The following DGKG variants were observed in gnomAD, a reference collection of about 807,000 sequenced individuals.
DGKG encodes diacylglycerol kinase gamma.
In DGKG, 78 loss-of-function variants were observed where a neutral mutation model predicts 105.3. That is an observed-to-expected ratio of 0.74 (90% CI 0.62 to 0.89). The LOEUF is 0.89. DGKG is among the 40% of genes least tolerant of loss of function. The probability of loss-of-function intolerance (pLI) is 0.00; values close to 1 mark genes in which losing one functional copy is unlikely to be tolerated. For missense variants in DGKG, 958 were observed against 1,020.1 expected, an observed-to-expected ratio of 0.94 and a Z score of 0.83; for synonymous variants, 346 against 367.1, an observed-to-expected ratio of 0.94 and a Z score of 0.66.
Position 186,258,070 on chromosome 3 carries a change from G to T in DGKG, c.1425-131C>A, listed in dbSNP as rs567101437. ...CTCGATTCCTTTTGTGGTTGAAAGG[G>T]TCACTCAATGTTCTGAAACCAGAAG... On this transcript the variant is annotated intron_variant, in intron 16 of 24. Coordinates refer to ENST00000265022, the MANE Select transcript of DGKG (RefSeq NM_001346.3). The T allele has an allele frequency of 1.4e-4, 95 of 698,902 alleles. No homozygotes were observed. In the Middle Eastern group the frequency reaches 2.2e-3, roughly 16 times the overall value. 43.3% of individuals were successfully genotyped at this position (698,902 alleles called of 1,614,324 possible).
intron 24 of DGKG, among the ~76,000 whole-genome samples, chr3:186,152,739 C>A (rs1715825091): frequency 6.6e-6 from 1 of 152,196 alleles, no homozygotes; most frequent in Non-Finnish European, 1.5e-5. Flanking sequence ...TCTCGGCTCA[C>A]TGCAACCTCC....
chr3:186,275,092 C>T (rs1173762198), intron 10 of DGKG, among the ~76,000 whole-genome samples: 2 of 152,100 alleles, frequency 1.3e-5, no homozygotes, highest in African/African-American at 2.4e-5. Flanking sequence ...TTGGCAGGGC[C>T]GGTCTTAAAC....
intron 1 of DGKG, among the ~76,000 whole-genome samples, chr3:186,359,310 G>A (rs1014960811): frequency 6.6e-5 from 10 of 152,190 alleles, no homozygotes; most frequent in Non-Finnish European, 2.9e-5. Flanking sequence ...AATGGGAAGT[G>A]TGTGCAGTAA....
chr3:186,149,328 G>T lies in DGKG; in HGVS notation c.*762C>A. On this transcript the variant is annotated 3_prime_UTR_variant, in exon 25 of 25. Transcript: ENST00000265022. ...CCGCTCTCCCTCCCAGGTGTTCACAGAACTAAGAAAATAAATACCACATCT... is the reference window on the plus strand; with the variant it reads ...CCGCTCTCCCTCCCAGGTGTTCACATAACTAAGAAAATAAATACCACATCT... The T allele has an allele frequency of 1.0e-6, 1 of 985,250 alleles. No individual in the cohort carries two copies. The highest frequency in any genetic ancestry group is 1.2e-6 in the Non-Finnish European group (1 of 829,914). The allele number at this position is 985,250 out of a possible 1,614,324, so 61.0% of individuals were successfully genotyped here.
chr3:186,343,465 G>C (rs539977309), intron 1 of DGKG, among the ~76,000 whole-genome samples: 7 of 152,028 alleles, frequency 4.6e-5, no homozygotes, highest in Non-Finnish European at 7.4e-5. Flanking sequence ...TAATTTTTTT[G>C]TATTTTTGGT....
chr3:186,288,591 G>C (rs1723175014), intron 6 of DGKG, 119 bp downstream of exon 6: 1 of 1,063,890 alleles, frequency 9.4e-7, no homozygotes, highest in Admixed American at 2.4e-5. Flanking sequence ...CCTCCCCAAA[G>C]AGGCGGGACG....
intron 2 of DGKG, among the ~76,000 whole-genome samples, chr3:186,310,740 C>T (rs1233089901): frequency 6.6e-6 from 1 of 152,198 alleles, no homozygotes; most frequent in Non-Finnish European, 1.5e-5. Context: ...TCAGAGGACA[C>T]CTTGTTCCAT....
chr3:186,264,770 CTG>C (rs1472265194), intron 14 of DGKG, among the ~76,000 whole-genome samples: 1 of 152,118 alleles, frequency 6.6e-6, no homozygotes, highest in Non-Finnish European at 1.5e-5. Flanking sequence ...CCTTGGAACT[CTG>C]TGGAAGACAC....
chr3:186,259,410 G>A (rs1721645436), intron 16 of DGKG, among the ~76,000 whole-genome samples: 1 of 152,190 alleles, frequency 6.6e-6, no homozygotes, highest in Non-Finnish European at 1.5e-5. Context: ...GTGTACAGAG[G>A]TGGGCTCTGT....
At chr3:186,189,810 A>C (rs897106628) in intron 21 of DGKG, among the ~76,000 whole-genome samples, 1 of 152,122 alleles carries the variant, frequency 6.6e-6, no homozygotes, top group East Asian at 1.9e-4. Context: ...GGAAGTTCTG[A>C]TAATTTGAGA....
At position 186,313,063 on chromosome 3, in the gene DGKG, C is replaced by T. The variant is rs141449824; in HGVS notation, c.68-6086G>A. ...AGCTGGTCACACTTGTCCCACATGTCCTATATTCTCAGGGGTATGGAAAGA... is the reference window on the plus strand; with the variant it reads ...AGCTGGTCACACTTGTCCCACATGTTCTATATTCTCAGGGGTATGGAAAGA... On this transcript the variant is annotated intron_variant, in intron 2 of 24. Transcript: ENST00000265022. Among the ~76,000 whole-genome samples, 905 of 152,282 alleles carry T rather than the reference C, an allele frequency of 5.9e-3. 13 individuals carry two copies. The highest frequency in any genetic ancestry group is 0.021 in the African/African-American group (859 of 41,552).
intron 21 of DGKG, among the ~76,000 whole-genome samples, chr3:186,197,034 A>G (rs1433205851): frequency 6.6e-6 from 1 of 152,160 alleles, no homozygotes; most frequent in Non-Finnish European, 1.5e-5. Flanking sequence ...GGAAGTTGGG[A>G]TGCCTAGGAT....
At position 186,257,167 on chromosome 3, in the gene DGKG, G is replaced by A. The variant is rs13066935; in HGVS notation, c.1510+687C>T. On this transcript the variant is annotated intron_variant, in intron 17 of 24. Transcript: ENST00000265022. ...TGTCCTCCCCAGTGCTCCCCCGGCC[G>A]CTTTCTTGTCCTTATATTACACTTT... Among the ~76,000 whole-genome samples the A allele has an allele frequency of 1.8e-3, 279 of 152,318 alleles. 1 individual carries two copies. Among genetic ancestry groups the A allele is most frequent in the Non-Finnish European group, 3.1e-3 (210 of 68,040 alleles).
chr3:186,258,549 C>T (rs191451255), intron 16 of DGKG, among the ~76,000 whole-genome samples: 110 of 152,300 alleles, frequency 7.2e-4, no homozygotes, highest in Middle Eastern at 3.4e-3. Flanking sequence ...AGTAGTATTT[C>T]CTTCAATTCA....
chr3:186,233,765 G>A (rs1180970926), intron 20 of DGKG, among the ~76,000 whole-genome samples: 3 of 152,210 alleles, frequency 2.0e-5, no homozygotes, highest in Non-Finnish European at 2.9e-5. Context: ...TTACAGGCGT[G>A]AGCCACCACG....
chr3:186,181,498 C>T (rs1343432660), intron 22 of DGKG, among the ~76,000 whole-genome samples: 1 of 152,100 alleles, frequency 6.6e-6, no homozygotes, highest in Non-Finnish European at 1.5e-5. Flanking sequence ...TTTTGGAGGC[C>T]GAGGTGGGCG....
intron 2 of DGKG, among the ~76,000 whole-genome samples, chr3:186,319,387 C>A (rs1159405848): frequency 2.0e-5 from 3 of 152,160 alleles, no homozygotes; most frequent in African/African-American, 4.8e-5. Context: ...AGAGCTGGCA[C>A]CTGAACTGGA....
intron 21 of DGKG, among the ~76,000 whole-genome samples, chr3:186,205,850 TAAAA>T (rs1197815074): frequency 2.0e-5 from 3 of 151,880 alleles, no homozygotes; most frequent in African/African-American, 7.3e-5. Context: ...TTTTCTGTAT[TAAAA>T]AAATCCTCAA....
At chr3:186,241,918 T>C (rs75619153) in intron 20 of DGKG, among the ~76,000 whole-genome samples, 2 of 152,316 alleles carry the variant, frequency 1.3e-5, no homozygotes, top group South Asian at 4.1e-4. Flanking sequence ...CCTAACTTGG[T>C]GACTTCACAG....
Sources: gnomAD v4.1 joint callset for allele counts (sites outside exome capture counted in the v4.1 genomes callset) on GRCh38, gnomAD v4.1.1 for gene constraint, MANE v1.5 for transcripts, NCBI Gene and HGNC (gene_info 2026-07-23, HGNC 2026-07-21) for gene names.